The following CSTF3 variants were observed in gnomAD, a reference collection of about 807,000 sequenced individuals.
The protein encoded by CSTF3 is CF-1 77 kDa subunit.
In CSTF3, 29 loss-of-function variants were observed where a neutral mutation model predicts 105.8. The ratio of observed to expected loss-of-function variants is 0.27; its 90% CI spans 0.20 to 0.37. CSTF3 has a LOEUF of 0.37. CSTF3 is among the 10% of genes least tolerant of loss of function. The probability of loss-of-function intolerance (pLI) is 1.00; values close to 1 mark genes in which losing one functional copy is unlikely to be tolerated. For missense variants in CSTF3, 357 were observed against 879.3 expected (o/e 0.41, Z 7.51); for synonymous variants, 252 against 281.9 (o/e 0.89, Z 1.06).
At chr11:33,145,549 C>A (rs976410003) in intron 1 of CSTF3, among the ~76,000 whole-genome samples, 3 of 152,184 alleles carry the variant, frequency 2.0e-5, no homozygotes, top group African/African-American at 7.2e-5. Context: ...GTGGCTCATG[C>A]CTGTAATAAT....
chr11:33,147,893 C>T (rs1855804424), intron 1 of CSTF3, among the ~76,000 whole-genome samples: 1 of 152,012 alleles, frequency 6.6e-6, no homozygotes, highest in Admixed American at 6.6e-5. Context: ...AACATATGGT[C>T]GTTTTTCTCT....
intron 10 of CSTF3, among the ~76,000 whole-genome samples, chr11:33,100,242 C>G (rs987310661): frequency 2.6e-5 from 4 of 151,894 alleles, no homozygotes; most frequent in African/African-American, 9.7e-5. Flanking sequence ...GTAGCCCCAG[C>G]TACTCTGGAG....
intron 16 of CSTF3, 111 bp from the exon 17 acceptor site, chr11:33,090,838 G>T: frequency 1.6e-6 from 1 of 606,702 alleles, no homozygotes; most frequent in Non-Finnish European, 2.6e-6. Flanking sequence ...TATAAAAAGT[G>T]ACTTTTTATT....
chr11:33,103,503 C>T (rs1026909113), intron 8 of CSTF3, among the ~76,000 whole-genome samples: 2 of 152,082 alleles, frequency 1.3e-5, no homozygotes, highest in African/African-American at 4.8e-5. Flanking sequence ...TGACATGGCT[C>T]ATGCCTGTAA....
At chr11:33,126,809 G>A (rs1475907950) in intron 3 of CSTF3, among the ~76,000 whole-genome samples, 1 of 152,050 alleles carries the variant, frequency 6.6e-6, no homozygotes, top group Non-Finnish European at 1.5e-5. Context: ...AAGCATTATT[G>A]TAGCTTCCTG....
chr11:33,123,843 G>GT (rs1217587698), intron 3 of CSTF3, among the ~76,000 whole-genome samples: 2 of 152,100 alleles, frequency 1.3e-5, no homozygotes, highest in East Asian at 3.9e-4. Context: ...ACTTTTCACT[G>GT]TAGGTTTCTT....
chr11:33,105,006 C>T (rs1378292516), intron 8 of CSTF3, among the ~76,000 whole-genome samples: 1 of 152,192 alleles, frequency 6.6e-6, no homozygotes, highest in Admixed American at 6.5e-5. Flanking sequence ...ATCTCGGCCT[C>T]CCAAAGTGCT....
intron 3 of CSTF3, among the ~76,000 whole-genome samples, chr11:33,117,748 G>GT (rs1193275531): frequency 6.6e-6 from 1 of 151,886 alleles, no homozygotes; most frequent in Non-Finnish European, 1.5e-5. Flanking sequence ...TGATTAAACT[G>GT]TGCTTTGTCT....
chr11:33,146,431 T>C lies in CSTF3; in HGVS notation c.28-4445A>G, dbSNP rs1477735098. On this transcript the variant is annotated intron_variant, in intron 1 of 20. Transcript: ENST00000323959. Reference sequence around the variant, plus strand: ...AGCCAGATGTGGTGGTGCATGCCTATAGTCCCAGCTACTCAAGAGGCTAAG... The same window carrying C: ...AGCCAGATGTGGTGGTGCATGCCTACAGTCCCAGCTACTCAAGAGGCTAAG... 2.0e-5 allele frequency among the ~76,000 whole-genome samples: 3 copies of C among 152,024 alleles called. No individual in the cohort carries two copies. The East Asian group carries it at 5.8e-4, about 29-fold the overall frequency.
At chr11:33,134,074 T>C (rs750830529) in intron 3 of CSTF3, among the ~76,000 whole-genome samples, 1 of 152,156 alleles carries the variant, frequency 6.6e-6, no homozygotes, top group African/African-American at 2.4e-5. Context: ...CAATCTCCTA[T>C]AGTTCGGAAA....
At position 33,108,434 on chromosome 11, in the gene CSTF3, A is replaced by G; in HGVS notation, c.226-16T>C. 4 of 1,457,678 alleles carry G rather than the reference A, an allele frequency of 2.7e-6. No individual in the cohort carries two copies. The highest frequency in any genetic ancestry group is 3.7e-6 in the Non-Finnish European group (4 of 1,091,410). The allele number at this position is 1,457,678 out of a possible 1,614,324, so 90.3% of individuals were successfully genotyped here. On this transcript the variant is annotated splice_polypyrimidine_tract_variant and intron_variant, in intron 3 of 20. Coordinates refer to ENST00000323959, the MANE Select transcript of CSTF3 (RefSeq NM_001326.3). ...TAGCTTTAATCTGAAGAGAAACAGA[A>G]AAATATAGAATTAATACTATTTTTT...
intron 3 of CSTF3, among the ~76,000 whole-genome samples, chr11:33,115,376 T>C (rs143073478): frequency 2.4e-4 from 37 of 152,270 alleles, no homozygotes; most frequent in African/African-American, 8.9e-4. Flanking sequence ...TCTTGGAAGA[T>C]TACAGAATAC....
intron 10 of CSTF3, among the ~76,000 whole-genome samples, chr11:33,100,692 A>G (rs1275923404): frequency 6.6e-6 from 1 of 152,210 alleles, no homozygotes; most frequent in African/African-American, 2.4e-5. Context: ...GACTTAACAT[A>G]GTTTAGGGAC....
intron 13 of CSTF3, among the ~76,000 whole-genome samples, chr11:33,097,912 T>C (rs1431669085): frequency 1.3e-5 from 2 of 152,176 alleles, no homozygotes; most frequent in African/African-American, 4.8e-5. Context: ...GATGGATGGA[T>C]GGATGGACTA....
intron 1 of CSTF3, 142 bp from the exon 2 acceptor site, chr11:33,142,128 TC>T: frequency 1.4e-6 from 2 of 1,405,952 alleles, no homozygotes; most frequent in Non-Finnish European, 1.9e-6. Flanking sequence ...GAAGTGTGTT[TC>T]CTAGAACCGA....
At chr11:33,153,150 A>C (rs1324060834) in intron 1 of CSTF3, among the ~76,000 whole-genome samples, 1 of 152,082 alleles carries the variant, frequency 6.6e-6, no homozygotes, top group African/African-American at 2.4e-5. Context: ...ACCATTTTAC[A>C]TTTTCATGAT....
chr11:33,153,712 C>A (rs202093914), intron 1 of CSTF3, among the ~76,000 whole-genome samples: 369 of 121,334 alleles, frequency 3.0e-3, no homozygotes, highest in African/African-American at 3.3e-3. Flanking sequence ...GTAAAACAGA[C>A]AAAAAAAAAA....
At chr11:33,112,152 G>T (rs1855385635) in intron 3 of CSTF3, among the ~76,000 whole-genome samples, 1 of 152,092 alleles carries the variant, frequency 6.6e-6, no homozygotes, top group Non-Finnish European at 1.5e-5. Flanking sequence ...TACTCAGGAG[G>T]CTGAGGCAGG....
chr11:33,161,391 A>G lies in CSTF3; in HGVS notation c.-66T>C, dbSNP rs549893325. ...GAAGCTAGAAAAGAAAAATTAAACT[A>G]AAAACCACCCCCAAATCAGTAAAGT... On this transcript the variant is annotated 5_prime_UTR_variant, in exon 1 of 21. Coordinates refer to ENST00000323959, the MANE Select transcript of CSTF3 (RefSeq NM_001326.3). 26 of 1,574,352 alleles carry G rather than the reference A, an allele frequency of 1.7e-5. No individual in the cohort carries two copies. The East Asian group carries it at 5.6e-4, about 34-fold the overall frequency.
Sources: allele counts gnomAD v4.1 joint callset (sites outside exome capture counted in the v4.1 genomes callset), GRCh38; gene constraint gnomAD v4.1.1; transcripts MANE v1.5; gene names NCBI Gene and HGNC (gene_info 2026-07-23, HGNC 2026-07-21).